Variants in PLCH1 observed in about 807,000 individuals in gnomAD.
PLCH1 encodes phospholipase C eta 1.
Under a neutral mutation model 126.7 loss-of-function variants are expected in PLCH1, and 60 were observed. That is an observed-to-expected ratio of 0.47 (90% CI 0.38 to 0.59). The LOEUF is 0.59. PLCH1 is among the 20% of genes least tolerant of loss of function. The pLI, the probability that PLCH1 is intolerant of heterozygous loss-of-function variation, is 0.00. For missense variants in PLCH1, 1,723 were observed against 2,040.0 expected, an observed-to-expected ratio of 0.84 and a Z score of 2.99; for synonymous variants, 719 against 734.9, an observed-to-expected ratio of 0.98 and a Z score of 0.35.
chr3:155,542,536 G>C (rs1724489621), intron 10 of PLCH1, among the ~76,000 whole-genome samples: 2 of 152,168 alleles, frequency 1.3e-5, no homozygotes, highest in South Asian at 4.2e-4. Flanking sequence ...GAGAGCAGTG[G>C]TTCTCCCAGC....
intron 2 of PLCH1, among the ~76,000 whole-genome samples, chr3:155,691,453 T>C (rs1745377001): frequency 6.6e-6 from 1 of 152,212 alleles, no homozygotes; most frequent in African/African-American, 2.4e-5. Flanking sequence ...AAGCCGGAGA[T>C]ATTGTGCAAA....
Position 155,630,195 on chromosome 3 carries a change from A to G in PLCH1, c.80-33817T>C, listed in dbSNP as rs564074538. ...CAAACAGATCTAAAGGAGATCCCCAACTCTTGTTGGTTGCCTTTTAAAAAA... is the reference window on the plus strand; with the variant it reads ...CAAACAGATCTAAAGGAGATCCCCAGCTCTTGTTGGTTGCCTTTTAAAAAA... On this transcript the variant is annotated intron_variant, in intron 2 of 22. Coordinates refer to ENST00000460012, the MANE Select transcript of PLCH1 (RefSeq NM_014996.4). Among the ~76,000 whole-genome samples the G allele has an allele frequency of 5.9e-4, 90 of 152,244 alleles. 3 individuals carry two copies. In the South Asian group the frequency reaches 0.019, roughly 31 times the overall value.
At chr3:155,485,929 C>T in intron 21 of PLCH1, 1 of 601,440 alleles carries the variant, frequency 1.7e-6, no homozygotes, top group Non-Finnish European at 2.9e-6. Flanking sequence ...TCCATTCTTA[C>T]ATCAAGCTTT....
intron 2 of PLCH1, among the ~76,000 whole-genome samples, chr3:155,616,849 A>C (rs1002681623): frequency 6.6e-6 from 1 of 152,152 alleles, no homozygotes; most frequent in Admixed American, 6.6e-5. Context: ...TTGTGATATC[A>C]AGTGTTTTAA....
chr3:155,551,711 A>G (rs1186067940), intron 9 of PLCH1, among the ~76,000 whole-genome samples: 1 of 147,718 alleles, frequency 6.8e-6, no homozygotes, highest in Non-Finnish European at 1.5e-5. Flanking sequence ...AAAAAAAATT[A>G]TCAGTACACA....
intron 11 of PLCH1, 113 bp from the exon 12 acceptor site, chr3:155,514,997 T>A: frequency 1.6e-6 from 1 of 631,824 alleles, no homozygotes; most frequent in Non-Finnish European, 2.5e-6. Context: ...CAATTACTTG[T>A]AAGAAATTAA....
intron 1 of PLCH1, among the ~76,000 whole-genome samples, chr3:155,717,780 A>G (rs1316612709): frequency 6.6e-6 from 1 of 152,218 alleles, no homozygotes; most frequent in African/African-American, 2.4e-5. Flanking sequence ...GATATGCTTC[A>G]AGGCTCTTCT....
At chr3:155,622,000 G>A (rs1023409879) in intron 2 of PLCH1, among the ~76,000 whole-genome samples, 1 of 152,142 alleles carries the variant, frequency 6.6e-6, no homozygotes, top group Non-Finnish European at 1.5e-5. Flanking sequence ...AAATGTTAAG[G>A]GCAGCCAGAG....
intron 14 of PLCH1, among the ~76,000 whole-genome samples, chr3:155,498,603 A>G (rs1349328605): frequency 6.6e-6 from 1 of 152,232 alleles, no homozygotes; most frequent in Non-Finnish European, 1.5e-5. Flanking sequence ...AACACTGCAT[A>G]GTGGGTAGCG....
chr3:155,621,564 C>A (rs540206658), intron 2 of PLCH1, among the ~76,000 whole-genome samples: 32 of 152,224 alleles, frequency 2.1e-4, no homozygotes, highest in African/African-American at 7.7e-4. Flanking sequence ...AAGAAGAACA[C>A]AAATTACCTG....
At chr3:155,535,711 G>A (rs1723257755) in intron 10 of PLCH1, among the ~76,000 whole-genome samples, 1 of 152,208 alleles carries the variant, frequency 6.6e-6, no homozygotes, top group Non-Finnish European at 1.5e-5. Flanking sequence ...GGTAGCTGAA[G>A]ACAAAAGACA....
intron 5 of PLCH1, among the ~76,000 whole-genome samples, chr3:155,585,725 G>A (rs755876610): frequency 6.6e-6 from 1 of 152,140 alleles, no homozygotes; most frequent in Non-Finnish European, 1.5e-5. Context: ...TTTTTGTCAT[G>A]TTACTTAGTC....
chr3:155,486,270 A>C (rs1311064825), intron 21 of PLCH1: 7 of 1,034,096 alleles, frequency 6.8e-6, no homozygotes, highest in Non-Finnish European at 1.0e-5. Context: ...GGGTGTCACA[A>C]GTAAACACAA....
At chr3:155,649,635 T>C (rs890140974) in intron 2 of PLCH1, among the ~76,000 whole-genome samples, 1 of 152,142 alleles carries the variant, frequency 6.6e-6, no homozygotes, top group African/African-American at 2.4e-5. Context: ...TGGACTGTGA[T>C]GATGGTAGTG....
chr3:155,478,006 T>C (rs942972033), downstream of PLCH1, among the ~76,000 whole-genome samples: 2 of 152,102 alleles, frequency 1.3e-5, no homozygotes, highest in Non-Finnish European at 2.9e-5. Flanking sequence ...TAAGTGTCTA[T>C]CAATAGATGA....
At chr3:155,534,539 G>T (rs1306774259) in intron 10 of PLCH1, among the ~76,000 whole-genome samples, 2 of 152,192 alleles carry the variant, frequency 1.3e-5, no homozygotes, top group African/African-American at 2.4e-5. Context: ...GGACTTTTGG[G>T]TTAAGCCTGG....
intron 2 of PLCH1, among the ~76,000 whole-genome samples, chr3:155,640,630 T>C (rs1299313225): frequency 1.3e-5 from 2 of 152,186 alleles, no homozygotes; most frequent in East Asian, 1.9e-4. Flanking sequence ...TTTAAATACA[T>C]AGGCTATTTC....
At chr3:155,567,577 T>C (rs542773180) in intron 7 of PLCH1, among the ~76,000 whole-genome samples, 30 of 152,332 alleles carry the variant, frequency 2.0e-4, no homozygotes, top group Admixed American at 2.6e-4. Flanking sequence ...CTGCTCTGCC[T>C]GAAAGATCCT....
At chr3:155,663,370 A>C (rs943190225) in intron 2 of PLCH1, among the ~76,000 whole-genome samples, 3 of 152,210 alleles carry the variant, frequency 2.0e-5, no homozygotes, top group Non-Finnish European at 4.4e-5. Context: ...TGGGTAACTA[A>C]GAATATGCAT....
Sources: gnomAD v4.1 joint callset for allele counts (sites outside exome capture counted in the v4.1 genomes callset) on GRCh38, gnomAD v4.1.1 for gene constraint, MANE v1.5 for transcripts, NCBI Gene and HGNC (gene_info 2026-07-23, HGNC 2026-07-21) for gene names.